CD83: variants seen among roughly 807,000 people sequenced by gnomAD.
CD83 encodes CD83 molecule.
A neutral mutation model predicts 24.6 loss-of-function variants in CD83; 22 were observed. The observed-to-expected ratio is 0.90, with a 90% confidence interval of 0.64 to 1.28. CD83 has a LOEUF of 1.28. Ranked by LOEUF, CD83 falls within the 50% of genes most tolerant of loss-of-function variation. The probability of loss-of-function intolerance (pLI) is 0.00; values close to 1 mark genes in which losing one functional copy is unlikely to be tolerated. For synonymous variants in CD83, 101 were observed against 103.5 expected (o/e 0.98, Z 0.14); for missense variants, 253 against 252.8 (o/e 1.00, Z -0.01).
chr6:14,124,509 C>T (rs2113391464), intron 2 of CD83, among the ~76,000 whole-genome samples: 1 of 152,252 alleles, frequency 6.6e-6, no homozygotes, highest in East Asian at 1.9e-4. Flanking sequence ...CAAATCAGGC[C>T]TTGAGGTCTC....
chr6:14,128,960 TAACAC>T (rs1759884889), intron 2 of CD83, among the ~76,000 whole-genome samples: 1 of 152,196 alleles, frequency 6.6e-6, no homozygotes, highest in Admixed American at 6.5e-5. Context: ...TCCCAGCAGC[TAACAC>T]AATAATGGGG....
chr6:14,118,021 G>A lies in CD83; in HGVS notation c.109G>A (p.Ala37Thr). Residue 37 changes from alanine to threonine, a missense_variant, in exon 2 of 5, where the codon GCC becomes ACC. Ala to Thr is a moderately conservative substitution (Grantham distance 58, BLOSUM62 0). Transcript: ENST00000379153. ...CGAAGATGTGGACTTGCCCTGCACCGCCCCCTGGGATCCGCAGGTTCCCTA... is the reference window on the plus strand; with the variant it reads ...CGAAGATGTGGACTTGCCCTGCACCACCCCCTGGGATCCGCAGGTTCCCTA... The part of the protein sequence containing the change: ...CSEDVDLPCT[A>T]PWDPQVPYTV... 1 of 1,610,108 alleles carries A rather than the reference G, an allele frequency of 6.2e-7. No homozygotes were observed. The highest frequency in any genetic ancestry group is 1.1e-5 in the South Asian group (1 of 90,602).
Position 14,135,315 on chromosome 6 carries a change from T to C in CD83, c.*79T>C. On this transcript the variant is annotated 3_prime_UTR_variant, in exon 5 of 5. Coordinates refer to ENST00000379153, the MANE Select transcript of CD83 (RefSeq NM_004233.4). ...TCTGTTACACTGGAGGAGAGAAGAA[T>C]GAGCCTACGCTGAAGATGGCATCCT... is the stretch of plus-strand genomic sequence containing the variant. The C allele has an allele frequency of 2.0e-6, 3 of 1,486,080 alleles. No individual in the cohort carries two copies. The highest frequency in any genetic ancestry group is 2.8e-6 in the Non-Finnish European group (3 of 1,087,162). 92.1% of individuals were successfully genotyped at this position (1,486,080 alleles called of 1,614,324 possible).
intron 2 of CD83, among the ~76,000 whole-genome samples, chr6:14,118,914 A>G (rs1280665418): frequency 6.6e-6 from 1 of 152,054 alleles, no homozygotes; most frequent in Non-Finnish European, 1.5e-5. Flanking sequence ...TGATATTACA[A>G]CCTTACTCTG....
chr6:14,124,878 G>T (rs1268206366), intron 2 of CD83, among the ~76,000 whole-genome samples: 1 of 152,080 alleles, frequency 6.6e-6, no homozygotes, highest in Non-Finnish European at 1.5e-5. Flanking sequence ...TAGAGTCTTT[G>T]CAAATGTAAT....
intron 2 of CD83, 53 bp downstream of exon 2, chr6:14,118,118 G>A (rs1455609281): frequency 1.1e-5 from 15 of 1,334,386 alleles, no homozygotes; most frequent in Middle Eastern, 1.8e-4. Flanking sequence ...TTTGAAGACA[G>A]CAGGAACCAT....
chr6:14,126,329 G>A (rs1035809277), intron 2 of CD83, among the ~76,000 whole-genome samples: 1 of 152,208 alleles, frequency 6.6e-6, no homozygotes, highest in Non-Finnish European at 1.5e-5. Flanking sequence ...GGCTTTCTGT[G>A]TGATCGATAT....
rs556831291 is a variant in CD83 at position 14,124,257 on chromosome 6, T to C, written c.153+6192T>C. 2.6e-5 allele frequency among the ~76,000 whole-genome samples: 4 copies of C among 152,324 alleles called. No homozygotes were observed. In the South Asian group the frequency reaches 8.3e-4, roughly 32 times the overall value. ...GGACCAGTCTACTGCATATCCCAAATTGGGACAATTTGGAGAAGTGTTCCA... is the reference window on the plus strand; with the variant it reads ...GGACCAGTCTACTGCATATCCCAAACTGGGACAATTTGGAGAAGTGTTCCA... On this transcript the variant is annotated intron_variant, in intron 2 of 4. Transcript: ENST00000379153.
chr6:14,124,592 C>T (rs1759742525), intron 2 of CD83, among the ~76,000 whole-genome samples: 2 of 152,148 alleles, frequency 1.3e-5, no homozygotes, highest in Admixed American at 1.3e-4. Flanking sequence ...GAGCCATGTG[C>T]CAATAGCCCC....
At chr6:14,131,821 C>T (rs1310815872) in intron 3 of CD83, 73 bp downstream of exon 3, 1 of 1,055,780 alleles carries the variant, frequency 9.5e-7, no homozygotes, top group East Asian at 2.4e-5. Flanking sequence ...TAAAATCGTT[C>T]CTCTCTTTTG....
At chr6:14,124,056 G>A (rs1172004671) in intron 2 of CD83, among the ~76,000 whole-genome samples, 1 of 152,184 alleles carries the variant, frequency 6.6e-6, no homozygotes, top group Non-Finnish European at 1.5e-5. Context: ...TCAAAATAGA[G>A]CTGGGCAGAA....
At chr6:14,122,023 G>A (rs9464663) in intron 2 of CD83, among the ~76,000 whole-genome samples, 6,609 of 152,230 alleles carry the variant, frequency 0.043, 484 homozygotes, top group African/African-American at 0.15. Flanking sequence ...AGGATATATG[G>A]TGTCATCTCT....
Position 14,135,320 on chromosome 6 carries a change from C to G in CD83, c.*84C>G, listed in dbSNP as rs1453158022. The G allele has an allele frequency of 6.9e-7, 1 of 1,446,160 alleles. No individual in the cohort carries two copies. The highest frequency in any genetic ancestry group is 9.4e-7 in the Non-Finnish European group (1 of 1,058,486). 89.6% of individuals were successfully genotyped at this position (1,446,160 alleles called of 1,614,324 possible). Reference sequence around the variant, plus strand: ...TACACTGGAGGAGAGAAGAATGAGCCTACGCTGAAGATGGCATCCTGTGAA... The same window carrying G: ...TACACTGGAGGAGAGAAGAATGAGCGTACGCTGAAGATGGCATCCTGTGAA... On this transcript the variant is annotated 3_prime_UTR_variant, in exon 5 of 5. Coordinates refer to ENST00000379153, the MANE Select transcript of CD83 (RefSeq NM_004233.4).
At chr6:14,118,287 C>T (rs1157617784) in intron 2 of CD83, among the ~76,000 whole-genome samples, 2 of 152,250 alleles carry the variant, frequency 1.3e-5, no homozygotes, top group East Asian at 1.9e-4. Flanking sequence ...GACCTCAATC[C>T]CCTTCCTGTC....
intron 2 of CD83, among the ~76,000 whole-genome samples, chr6:14,124,028 G>T (rs555696108): frequency 6.6e-6 from 1 of 152,176 alleles, no homozygotes; most frequent in African/African-American, 2.4e-5. Context: ...CCTAAATTTT[G>T]TATCAACAAT....
chr6:14,123,379 G>T (rs188410133), intron 2 of CD83, among the ~76,000 whole-genome samples: 4 of 152,198 alleles, frequency 2.6e-5, no homozygotes, highest in Admixed American at 1.3e-4. Flanking sequence ...GATTACAGGC[G>T]TAAGCCACCA....
At chr6:14,123,119 C>T (rs1759708632) in intron 2 of CD83, among the ~76,000 whole-genome samples, 1 of 148,210 alleles carries the variant, frequency 6.7e-6, no homozygotes, top group South Asian at 2.1e-4. Context: ...TTTTTTGAGA[C>T]AGAGTTTTGC....
intron 3 of CD83, 96 bp from the exon 4 acceptor site, chr6:14,133,553 A>C: frequency 1.3e-6 from 1 of 760,464 alleles, no homozygotes; most frequent in African/African-American, 1.7e-5. Flanking sequence ...GGAGACAAGC[A>C]GGACTCCAGG....
upstream of CD83, among the ~76,000 whole-genome samples, chr6:14,117,468 G>T (rs1399832947): frequency 1.3e-5 from 2 of 151,734 alleles, no homozygotes; most frequent in East Asian, 1.9e-4. This position sits in a 1 kb window ranked among gnomAD's most constrained non-coding sequence, Gnocchi z 4.6. Context: ...AAAGCCCCCA[G>T]CGCTGGGCGT....
Sources: allele counts gnomAD v4.1 joint callset (sites outside exome capture counted in the v4.1 genomes callset), GRCh38; gene constraint gnomAD v4.1.1; non-coding constraint Gnocchi (gnomAD v3.1); transcripts MANE v1.5; gene names NCBI Gene and HGNC (gene_info 2026-07-23, HGNC 2026-07-21).